PCSK6: variants seen among roughly 807,000 people sequenced by gnomAD.
PCSK6 encodes the protein paired basic amino acid cleaving enzyme 4.
A neutral mutation model predicts 123.3 loss-of-function variants in PCSK6; 85 were observed. That is an observed-to-expected ratio of 0.69 (90% CI 0.58 to 0.83). The LOEUF (loss-of-function observed/expected upper bound fraction) is 0.83. Among genes scored for constraint, PCSK6 ranks in the 40% least tolerant of loss-of-function variants. The pLI is 0.00. For missense variants in PCSK6, 1,191 were observed against 1,282.3 expected, an observed-to-expected ratio of 0.93 and a Z score of 1.09; for synonymous variants, 508 against 516.0, an observed-to-expected ratio of 0.98 and a Z score of 0.21.
Position 101,362,915 on chromosome 15 carries a change from G to C in PCSK6, c.1858+3281C>G, listed in dbSNP as rs536624667. Among the ~76,000 whole-genome samples, 206 of 152,358 alleles carry C rather than the reference G, an allele frequency of 1.4e-3. 2 individuals are homozygous for C. In the Middle Eastern group the frequency reaches 0.017, roughly 13 times the overall value. On this transcript the variant is annotated intron_variant, in intron 13 of 21. Transcript: ENST00000611716. ...CATAGACCCTGGCTTTAACAACCTGGGGAGGACAGAGATGGGACCATAGGC... is the reference window on the plus strand; with the variant it reads ...CATAGACCCTGGCTTTAACAACCTGCGGAGGACAGAGATGGGACCATAGGC...
At chr15:101,307,062 G>C (rs2039738697) in intron 21 of PCSK6, 151 bp downstream of exon 21, 1 of 633,940 alleles carries the variant, frequency 1.6e-6, no homozygotes, top group Non-Finnish European at 2.9e-6. Flanking sequence ...ATATCAGCTA[G>C]AGGAATCCCA....
chr15:101,454,998 A>AT (rs2057141163), intron 1 of PCSK6, among the ~76,000 whole-genome samples: 8 of 152,136 alleles, frequency 5.3e-5, no homozygotes, highest in African/African-American at 1.9e-4. Flanking sequence ...AAATAAATAA[A>AT]AGGGTACAGA....
rs1183018944 is a variant in PCSK6, at chr15:101,384,302, C to T, written c.1414+20G>A. ...CATTCCAGGGCCACCCAATGGTCCACCAGAACGCCACTGCCGCACCTTTAT... is the reference window on the plus strand; with the variant it reads ...CATTCCAGGGCCACCCAATGGTCCATCAGAACGCCACTGCCGCACCTTTAT... On this transcript the variant is annotated intron_variant, in intron 10 of 21. Coordinates refer to ENST00000611716, the MANE Select transcript of PCSK6 (RefSeq NM_002570.5). 1.9e-6 allele frequency: 3 copies of T among 1,611,964 alleles called. No homozygotes were observed. Among genetic ancestry groups the T allele is most frequent in the Non-Finnish European group, 2.5e-6 (3 of 1,178,414 alleles).
intron 6 of PCSK6, among the ~76,000 whole-genome samples, chr15:101,399,683 G>A (rs554908023): frequency 6.6e-6 from 1 of 152,148 alleles, no homozygotes; most frequent in Non-Finnish European, 1.5e-5. Context: ...GGGGAAGCAG[G>A]GGGTAATGAC....
chr15:101,474,855 A>G (rs1230751888), intron 1 of PCSK6, among the ~76,000 whole-genome samples: 4 of 152,092 alleles, frequency 2.6e-5, no homozygotes, highest in Non-Finnish European at 5.9e-5. Context: ...GGGTACCTCA[A>G]CACCCTCTGT....
intron 7 of PCSK6, among the ~76,000 whole-genome samples, chr15:101,393,755 G>T (rs75303115): frequency 2.3e-4 from 35 of 152,282 alleles, no homozygotes; most frequent in African/African-American, 7.9e-4. Context: ...CATTTCCATC[G>T]CAATGGCCTA....
intron 1 of PCSK6, among the ~76,000 whole-genome samples, chr15:101,477,594 T>C (rs1177136233): frequency 6.6e-6 from 1 of 152,162 alleles, no homozygotes; most frequent in Admixed American, 6.5e-5. Flanking sequence ...CTATGGGTGA[T>C]TTTTATGGTT....
chr15:101,363,804 T>C (rs1236902700), intron 13 of PCSK6, among the ~76,000 whole-genome samples: 1 of 151,556 alleles, frequency 6.6e-6, no homozygotes, highest in Non-Finnish European at 1.5e-5. Flanking sequence ...TAATTTTTTT[T>C]TTTTTTTGGA....
intron 18 of PCSK6, 66 bp from the exon 19 acceptor site, chr15:101,318,488 G>A (rs1207159418): frequency 7.7e-7 from 1 of 1,300,144 alleles, no homozygotes. Flanking sequence ...TTGCCCTCTA[G>A]CACCTTTCCC....
intron 12 of PCSK6, 108 bp from the exon 13 acceptor site, chr15:101,366,440 C>T (rs944084114): frequency 2.5e-5 from 30 of 1,183,864 alleles, no homozygotes; most frequent in African/African-American, 7.8e-5. Context: ...CTGGCTGGAC[C>T]GTACCCCCAG....
chr15:101,361,781 C>G (rs1287735982), intron 13 of PCSK6, among the ~76,000 whole-genome samples: 1 of 151,708 alleles, frequency 6.6e-6, no homozygotes, highest in Non-Finnish European at 1.5e-5. Context: ...GTGGCTCTAG[C>G]CAGTAGGGGT....
intron 13 of PCSK6, among the ~76,000 whole-genome samples, chr15:101,343,873 G>A (rs527832116): frequency 5.3e-5 from 8 of 152,084 alleles, no homozygotes; most frequent in Non-Finnish European, 7.4e-5. Flanking sequence ...GGCAGATCAC[G>A]GATCAGGAGT....
chr15:101,409,704 A>G (rs1469531919), intron 6 of PCSK6, among the ~76,000 whole-genome samples: 1 of 152,104 alleles, frequency 6.6e-6, no homozygotes, highest in East Asian at 1.9e-4. Flanking sequence ...GGAACTTGCT[A>G]AAGGGTAGAA....
rs1265396633 is a variant in PCSK6 at position 101,326,372 on chromosome 15, A to G, written c.2180+5T>C. On this transcript the variant is annotated splice_donor_5th_base_variant and intron_variant, in intron 16 of 21. Transcript: ENST00000611716. ...TGAGCCACAGGGCTGCGGGACATGC[A>G]TTACCTGCTGGTCTTGACACTCCCC... 12 of 1,564,188 alleles carry G rather than the reference A, an allele frequency of 7.7e-6. No individual in the cohort carries two copies. Among genetic ancestry groups the G allele is most frequent in the Non-Finnish European group, 1.0e-5 (12 of 1,153,758 alleles).
chr15:101,429,135 T>A (rs2056360011), intron 5 of PCSK6, among the ~76,000 whole-genome samples: 1 of 151,780 alleles, frequency 6.6e-6, no homozygotes, highest in Non-Finnish European at 1.5e-5. Flanking sequence ...TCAGCAAGAG[T>A]CTTGTCAACA....
intron 13 of PCSK6, among the ~76,000 whole-genome samples, chr15:101,342,949 T>C (rs1237509818): frequency 1.3e-5 from 2 of 152,046 alleles, no homozygotes; most frequent in Non-Finnish European, 2.9e-5. Flanking sequence ...AAGTGGGGAC[T>C]GTTTCCCTAT....
At chr15:101,309,116 A>C (rs2039793986) in intron 20 of PCSK6, 1 of 152,714 alleles carries the variant, frequency 6.5e-6, no homozygotes, top group South Asian at 2.1e-4. Flanking sequence ...GCAGCTGAAA[A>C]TAACACCCAC....
intron 6 of PCSK6, among the ~76,000 whole-genome samples, chr15:101,409,550 A>C (rs2141614860): frequency 6.8e-6 from 1 of 146,076 alleles, no homozygotes; most frequent in Admixed American, 6.9e-5. Context: ...GTGCCACTGC[A>C]CTCCAGCCTG....
At chr15:101,462,668 C>T (rs1046760061) in intron 1 of PCSK6, among the ~76,000 whole-genome samples, 16 of 152,088 alleles carry the variant, frequency 1.1e-4, no homozygotes, top group African/African-American at 3.4e-4. Flanking sequence ...AGGAACTAAT[C>T]CACTGATGAT....
Sources: allele counts gnomAD v4.1 joint callset (sites outside exome capture counted in the v4.1 genomes callset), GRCh38; gene constraint gnomAD v4.1.1; transcripts MANE v1.5; gene names NCBI Gene and HGNC (gene_info 2026-07-23, HGNC 2026-07-21).